Variants in KIAA0232 observed in about 807,000 individuals in gnomAD.
KIAA0232 encodes the protein uncharacterized protein KIAA0232.
A neutral mutation model predicts 122.0 loss-of-function variants in KIAA0232; 27 were observed. The observed-to-expected ratio is 0.22, with a 90% CI of 0.16 to 0.31. KIAA0232 has a LOEUF of 0.31. Among genes scored for constraint, KIAA0232 ranks in the 10% least tolerant of loss-of-function variants. The pLI is 1.00. For synonymous variants in KIAA0232, 613 were observed against 587.6 expected, an observed-to-expected ratio of 1.04 and a Z score of -0.63; for missense variants, 1,551 against 1,634.2, an observed-to-expected ratio of 0.95 and a Z score of 0.88.
chr4:6,804,177 G>A (rs560481695), intron 1 of KIAA0232, among the ~76,000 whole-genome samples: 1 of 152,254 alleles, frequency 6.6e-6, no homozygotes, highest in East Asian at 1.9e-4. Flanking sequence ...AAATTTGGTA[G>A]CATTTCTAAC....
chr4:6,852,898 G>A (rs6833851), intron 4 of KIAA0232, among the ~76,000 whole-genome samples: 117,254 of 152,134 alleles, frequency 0.77, 45,797 homozygotes, highest in Non-Finnish European at 0.85. Flanking sequence ...TGTCACACTC[G>A]GCAACATCTT....
intron 3 of KIAA0232, among the ~76,000 whole-genome samples, chr4:6,840,534 A>G (rs1719590351): frequency 6.6e-6 from 1 of 152,186 alleles, no homozygotes; most frequent in African/African-American, 2.4e-5. Flanking sequence ...GGAAAAGTCA[A>G]TCAGAACTCT....
rs993639018 is a variant in KIAA0232 at position 6,815,059 on chromosome 4, C to T, written c.-269-9126C>T. Among the ~76,000 whole-genome samples, 194 of 151,308 alleles carry T rather than the reference C, an allele frequency of 1.3e-3. 1 individual carries two copies. Among genetic ancestry groups the T allele is most frequent in the African/African-American group, 4.5e-3 (187 of 41,336 alleles). On this transcript the variant is annotated intron_variant, in intron 2 of 9. Transcript: ENST00000307659. ...GAAGGGAACGTTAAAAAAAAAAACA[C>T]TTGATATATAGTGGTGCTTTTTCTT...
intron 2 of KIAA0232, among the ~76,000 whole-genome samples, chr4:6,821,850 C>T (rs1479569857): frequency 6.6e-6 from 1 of 151,990 alleles, no homozygotes; most frequent in Admixed American, 6.6e-5. Context: ...TTGAAAGACA[C>T]TTTCAATGAG....
chr4:6,802,135 C>G (rs937350259), intron 1 of KIAA0232, among the ~76,000 whole-genome samples: 2 of 152,160 alleles, frequency 1.3e-5, no homozygotes, highest in African/African-American at 4.8e-5. Context: ...CTCGTAGGGT[C>G]CAGACTCAGG....
chr4:6,874,471 T>A (rs1381433876), intron 8 of KIAA0232, among the ~76,000 whole-genome samples: 1 of 152,174 alleles, frequency 6.6e-6, no homozygotes, highest in African/African-American at 2.4e-5. Flanking sequence ...CAGAGGGCCT[T>A]GTAGACTCTG....
chr4:6,871,059 G>A (rs1285779794), intron 7 of KIAA0232, among the ~76,000 whole-genome samples: 1 of 152,104 alleles, frequency 6.6e-6, no homozygotes, highest in Non-Finnish European at 1.5e-5. Flanking sequence ...TCCCATCTAA[G>A]TACTTCTTAA....
chr4:6,849,662 C>CCA (rs774528414), intron 4 of KIAA0232, among the ~76,000 whole-genome samples: 8 of 151,926 alleles, frequency 5.3e-5, no homozygotes, highest in Non-Finnish European at 1.2e-4. Context: ...GCCTGTAGTC[C>CCA]CAGCTACTCA....
chr4:6,799,461 C>G (rs1717279663), intron 1 of KIAA0232, among the ~76,000 whole-genome samples: 2 of 151,728 alleles, frequency 1.3e-5, no homozygotes, highest in Admixed American at 6.6e-5. Context: ...AAAATTGTGA[C>G]TCATTTCCTC....
intron 5 of KIAA0232, 86 bp downstream of exon 5, chr4:6,857,316 A>G: frequency 8.4e-7 from 1 of 1,184,428 alleles, no homozygotes; most frequent in Non-Finnish European, 1.2e-6. Context: ...ATTGATCAGA[A>G]AAGAAAACAA....
intron 9 of KIAA0232, 44 bp downstream of exon 9, chr4:6,876,801 C>A: frequency 7.5e-7 from 1 of 1,333,106 alleles, no homozygotes; most frequent in African/African-American, 1.4e-5. Flanking sequence ...TACAAACAGC[C>A]ACCACCTCCA....
chr4:6,832,564 G>A (rs1254905926), intron 3 of KIAA0232, among the ~76,000 whole-genome samples: 1 of 152,122 alleles, frequency 6.6e-6, no homozygotes, highest in Non-Finnish European at 1.5e-5. Flanking sequence ...GGCCAGGCTG[G>A]TCTCGAGCTC....
At chr4:6,799,759 A>G (rs562027845) in intron 1 of KIAA0232, among the ~76,000 whole-genome samples, 25 of 152,022 alleles carry the variant, frequency 1.6e-4, no homozygotes, top group Middle Eastern at 3.4e-3. Context: ...AAGTGGCACA[A>G]TCTCGACTCA....
At chr4:6,846,819 T>C (rs1043630510) in intron 4 of KIAA0232, among the ~76,000 whole-genome samples, 11 of 152,192 alleles carry the variant, frequency 7.2e-5, no homozygotes, top group African/African-American at 2.2e-4. Context: ...CATCGAAAAT[T>C]ATAATGCACA....
chr4:6,816,201 C>A (rs4689552), intron 2 of KIAA0232, among the ~76,000 whole-genome samples: 24,761 of 151,748 alleles, frequency 0.16, 2,579 homozygotes, highest in East Asian at 0.3. Context: ...TTATTGGATT[C>A]AATTACCTGA....
At chr4:6,857,725 G>C (rs567080261) in intron 5 of KIAA0232, among the ~76,000 whole-genome samples, 85 of 152,262 alleles carry the variant, frequency 5.6e-4, no homozygotes, top group African/African-American at 1.9e-3. Flanking sequence ...ACACAGACTT[G>C]GCAAGCTTAT....
At chr4:6,836,621 C>T (rs1295766683) in intron 3 of KIAA0232, among the ~76,000 whole-genome samples, 1 of 144,296 alleles carries the variant, frequency 6.9e-6, no homozygotes, top group African/African-American at 2.6e-5. Flanking sequence ...GGTCGTAGGA[C>T]AATAGTGGAG....
intron 9 of KIAA0232, among the ~76,000 whole-genome samples, chr4:6,877,322 G>A (rs530645660): frequency 1.3e-5 from 2 of 152,230 alleles, no homozygotes; most frequent in Non-Finnish European, 2.9e-5. Context: ...TGGGCACCAC[G>A]AAGGCGGGAG....
intron 7 of KIAA0232, among the ~76,000 whole-genome samples, chr4:6,871,095 A>G (rs1410530118): frequency 6.6e-6 from 1 of 152,180 alleles, no homozygotes; most frequent in Non-Finnish European, 1.5e-5. Context: ...TACACTGTGA[A>G]CACGCTGGCT....
Sources: allele counts gnomAD v4.1 joint callset (sites outside exome capture counted in the v4.1 genomes callset), GRCh38; gene constraint gnomAD v4.1.1; transcripts MANE v1.5; gene names NCBI Gene and HGNC (gene_info 2026-07-23, HGNC 2026-07-21).